CDK5RAP2: variants seen among roughly 807,000 people sequenced by gnomAD.
CDK5RAP2 encodes the protein CDK5 regulatory subunit-associated protein 2.
A neutral mutation model predicts 232.9 loss-of-function variants in CDK5RAP2; 147 were observed. That is an observed-to-expected ratio of 0.63 (90% CI 0.55 to 0.72). The LOEUF is 0.72. Among genes scored for constraint, CDK5RAP2 ranks in the 30% least tolerant of loss-of-function variants. The pLI, the probability that CDK5RAP2 is intolerant of heterozygous loss-of-function variation, is 0.00. For missense variants in CDK5RAP2, 2,195 were observed against 2,231.5 expected (o/e 0.98, Z 0.33); for synonymous variants, 833 against 833.7 (o/e 1.00, Z 0.01).
At chr9:120,512,055 A>G (rs112525566) in intron 12 of CDK5RAP2, among the ~76,000 whole-genome samples, 4,443 of 152,104 alleles carry the variant, frequency 0.029, 101 homozygotes, top group Middle Eastern at 0.044. Context: ...GCATTTTTAT[A>G]TACTCACTCT....
At chr9:120,545,322 T>C (rs2041797471) in intron 5 of CDK5RAP2, among the ~76,000 whole-genome samples, 1 of 152,232 alleles carries the variant, frequency 6.6e-6, no homozygotes, top group Non-Finnish European at 1.5e-5. Flanking sequence ...GAGAATCTAC[T>C]ATATAATTCC....
intron 4 of CDK5RAP2, among the ~76,000 whole-genome samples, chr9:120,546,817 T>C (rs1200655035): frequency 6.6e-6 from 1 of 152,024 alleles, no homozygotes; most frequent in African/African-American, 2.4e-5. Context: ...GTTTGTTTGT[T>C]TTACAGATTG....
intron 37 of CDK5RAP2, 37 bp from the exon 38 acceptor site, chr9:120,389,329 C>G (rs745437583): frequency 1.3e-6 from 2 of 1,572,578 alleles, no homozygotes; most frequent in East Asian, 4.5e-5. Flanking sequence ...AATTTTAAGT[C>G]CAAAGGAGGT....
chr9:120,507,910 TAAAAAAAAAAAAAAAAA>T (rs1161123095), intron 12 of CDK5RAP2, among the ~76,000 whole-genome samples: 2 of 59,418 alleles, frequency 3.4e-5, no homozygotes, highest in African/African-American at 1.6e-4. Context: ...ACTGGCTGAT[TAAAAAAAAAAAAAAAAA>T]AAAAAAAAAA....
chr9:120,489,340 T>C (rs1269236527), intron 13 of CDK5RAP2, among the ~76,000 whole-genome samples: 4 of 152,236 alleles, frequency 2.6e-5, no homozygotes, highest in African/African-American at 9.6e-5. Flanking sequence ...TCTTTTCTCA[T>C]TCTTTGTGCT....
chr9:120,421,352 A>G (rs551448763), intron 26 of CDK5RAP2, among the ~76,000 whole-genome samples: 3 of 152,274 alleles, frequency 2.0e-5, no homozygotes, highest in Admixed American at 6.5e-5. Context: ...ATCTATTATT[A>G]TAAGAATGGA....
intron 14 of CDK5RAP2, among the ~76,000 whole-genome samples, chr9:120,478,378 G>A (rs1423984961): frequency 1.3e-5 from 2 of 152,220 alleles, no homozygotes; most frequent in Non-Finnish European, 2.9e-5. Flanking sequence ...AGGGGCTGGA[G>A]GGATGAGGAT....
chr9:120,391,301 C>G (rs1020753428), intron 36 of CDK5RAP2, among the ~76,000 whole-genome samples: 1 of 152,170 alleles, frequency 6.6e-6, no homozygotes, highest in Non-Finnish European at 1.5e-5. Context: ...TACACCTCAA[C>G]AGCACTGCCA....
chr9:120,548,200 T>G (rs1051744404), intron 4 of CDK5RAP2, among the ~76,000 whole-genome samples: 1 of 152,232 alleles, frequency 6.6e-6, no homozygotes, highest in Non-Finnish European at 1.5e-5. Context: ...TGGGTGACAG[T>G]GTATAATATC....
At chr9:120,474,114 T>G (rs535224590) in intron 15 of CDK5RAP2, among the ~76,000 whole-genome samples, 5 of 152,076 alleles carry the variant, frequency 3.3e-5, no homozygotes, top group Non-Finnish European at 7.4e-5. Context: ...TCACGCAAAA[T>G]GGGAATAATA....
At chr9:120,567,550 G>A (rs1446988433) in intron 3 of CDK5RAP2, among the ~76,000 whole-genome samples, 4 of 152,140 alleles carry the variant, frequency 2.6e-5, no homozygotes, top group Non-Finnish European at 5.9e-5. Context: ...TTGTTAAAGA[G>A]AACTGGAATT....
intron 12 of CDK5RAP2, among the ~76,000 whole-genome samples, chr9:120,503,083 T>C (rs140722687): frequency 6.6e-6 from 1 of 152,330 alleles, no homozygotes; most frequent in East Asian, 1.9e-4. Flanking sequence ...CCCCAGTCAG[T>C]GTGACCCCAA....
At chr9:120,483,152 T>G (rs1245195159) in intron 14 of CDK5RAP2, among the ~76,000 whole-genome samples, 1 of 152,172 alleles carries the variant, frequency 6.6e-6, no homozygotes, top group Non-Finnish European at 1.5e-5. Context: ...GACTCATCAC[T>G]GCCACAGATC....
At chr9:120,435,129 A>G (rs1430626395) in intron 25 of CDK5RAP2, among the ~76,000 whole-genome samples, 1 of 152,256 alleles carries the variant, frequency 6.6e-6, no homozygotes, top group Non-Finnish European at 1.5e-5. Context: ...ACAGCTGTAC[A>G]AAGAATGAAA....
chr9:120,479,016 GAA>G lies in CDK5RAP2; in HGVS notation c.1627-1568_1627-1567del, dbSNP rs201211365. Among the ~76,000 whole-genome samples, 928 of 152,092 alleles carry G rather than the reference GAA, an allele frequency of 6.1e-3. 8 individuals carry two copies. Among genetic ancestry groups the G allele is most frequent in the African/African-American group, 0.021 (879 of 41,474 alleles). On this transcript the variant is annotated intron_variant, in intron 14 of 37. Coordinates refer to ENST00000349780, the MANE Select transcript of CDK5RAP2 (RefSeq NM_018249.6). Reference sequence around the variant, plus strand: ...ACTCAAAGCTGAAAAAATTTTTAAAGAAATGCTTAAATAATGATGGAATGTTG... The same window carrying G: ...ACTCAAAGCTGAAAAAATTTTTAAAGATGCTTAAATAATGATGGAATGTTG...
chr9:120,530,121 G>A lies in CDK5RAP2; in HGVS notation c.682C>T (p.Leu228=). Residue 228 remains leucine, a synonymous_variant, in exon 8 of 38, where the codon CTG becomes TTG. Transcript: ENST00000349780. ...EKDRLIEELK[L]SLKSKEALIQ... is the part of the protein sequence containing the mutation. ...AAAGCTTCTTTGCTCTTCAAAGACA[G>A]CTTCAACTCCTCAATCAGTCTAAAA... is the stretch of plus-strand genomic sequence containing the variant. 3 of 1,613,238 alleles carry A rather than the reference G, an allele frequency of 1.9e-6. No homozygotes were observed. The highest frequency in any genetic ancestry group is 2.5e-6 in the Non-Finnish European group (3 of 1,179,480).
rs1320799873 is a variant in CDK5RAP2, at chr9:120,540,375, A to C, written c.384-1211T>G. On this transcript the variant is annotated intron_variant, in intron 5 of 37. Coordinates refer to ENST00000349780, the MANE Select transcript of CDK5RAP2 (RefSeq NM_018249.6). Reference sequence around the variant, plus strand: ...CAGCTTCCCATGCCCTACTTTAAAGATACATAAAATTTTTCCAACTGAGAG... The same window carrying C: ...CAGCTTCCCATGCCCTACTTTAAAGCTACATAAAATTTTTCCAACTGAGAG... Among the ~76,000 whole-genome samples, 3 of 152,206 alleles carry C rather than the reference A, an allele frequency of 2.0e-5. No individual in the cohort carries two copies. The East Asian group carries it at 5.8e-4, about 29-fold the overall frequency.
At chr9:120,541,983 C>T (rs1295591407) in intron 5 of CDK5RAP2, among the ~76,000 whole-genome samples, 1 of 152,190 alleles carries the variant, frequency 6.6e-6, no homozygotes, top group Non-Finnish European at 1.5e-5. Flanking sequence ...AGCCTCACTA[C>T]CCTTTTTAAT....
chr9:120,392,049 G>A (rs945215591), intron 36 of CDK5RAP2, among the ~76,000 whole-genome samples: 2 of 152,178 alleles, frequency 1.3e-5, no homozygotes, highest in Admixed American at 1.3e-4. Flanking sequence ...AGTGCTATGA[G>A]ACATTTGCGG....
Sources: gnomAD v4.1 joint callset for allele counts (sites outside exome capture counted in the v4.1 genomes callset) on GRCh38, gnomAD v4.1.1 for gene constraint, MANE v1.5 for transcripts, NCBI Gene and HGNC (gene_info 2026-07-23, HGNC 2026-07-21) for gene names.